The following PHF8 variants were observed in gnomAD, a reference collection of about 807,000 sequenced individuals.
PHF8 encodes histone lysine demethylase PHF8.
A neutral mutation model predicts 74.4 loss-of-function variants in PHF8; 9 were observed. That is an observed-to-expected ratio of 0.12 (90% CI 0.07 to 0.21). The LOEUF (loss-of-function observed/expected upper bound fraction) is 0.21. Among genes scored for constraint, PHF8 ranks in the 10% least tolerant of loss-of-function variants. The pLI is 1.00. For missense variants in PHF8, 478 were observed against 816.6 expected, an observed-to-expected ratio of 0.59 and a Z score of 5.05; for synonymous variants, 311 against 316.6, an observed-to-expected ratio of 0.98 and a Z score of 0.19.
At chrX:54,032,487 C>T (rs1557112836) in intron 2 of PHF8, among the ~76,000 whole-genome samples, 1 of 110,537 alleles carries the variant, frequency 9.0e-6, no homozygotes, top group African/African-American at 3.3e-5. Context: ...AAACACTCTT[C>T]CCCTACTTAC....
Position 54,044,241 on chromosome X carries a change from A to G in PHF8, c.-572T>C. 1 of 754,947 alleles carries G rather than the reference A, an allele frequency of 1.3e-6. No individual in the cohort carries two copies. Among genetic ancestry groups the G allele is most frequent in the East Asian group, 1.5e-4 (1 of 6,682 alleles). 62.2% of individuals were successfully genotyped at this position (754,947 alleles called of 1,213,427 possible). On this transcript the variant is annotated 5_prime_UTR_variant, in exon 1 of 22. Coordinates refer to ENST00000338154, the MANE Select transcript of PHF8 (RefSeq NM_015107.3). ...GATACTCGCGAGCAAACCAACGGGG[A>G]AAGAGATGAACCGGCCGCCACGTCC...
intron 6 of PHF8, among the ~76,000 whole-genome samples, chrX:54,014,919 AAC>A (rs2066038082): frequency 1.8e-5 from 2 of 112,044 alleles, no homozygotes; most frequent in Non-Finnish European, 3.8e-5. Flanking sequence ...CTTTATGAGA[AAC>A]CACTAGAGCA....
intron 11 of PHF8, among the ~76,000 whole-genome samples, chrX:53,997,682 T>C (rs1340888773): frequency 2.7e-5 from 3 of 111,862 alleles, no homozygotes; most frequent in African/African-American, 9.8e-5. Flanking sequence ...GGCCATCCCT[T>C]GGTCCCTGGG....
At chrX:53,945,899 T>C (rs1371304142) in intron 19 of PHF8, among the ~76,000 whole-genome samples, 3 of 112,401 alleles carry the variant, frequency 2.7e-5, no homozygotes, top group Admixed American at 9.5e-5. Context: ...CATACCACCT[T>C]GTCTCATTCT....
chrX:53,991,388 A>G (rs1212954742), intron 14 of PHF8, among the ~76,000 whole-genome samples: 1 of 111,622 alleles, frequency 9.0e-6, no homozygotes, highest in Non-Finnish European at 1.9e-5. Context: ...AAGGCCGGGC[A>G]TGTTGGCTCA....
chrX:53,999,287 C>T (rs782307609), intron 11 of PHF8, among the ~76,000 whole-genome samples: 9 of 112,295 alleles, frequency 8.0e-5, no homozygotes, highest in Non-Finnish European at 1.7e-4. Context: ...GATTCATTTC[C>T]ACTTTATGAA....
intron 18 of PHF8, among the ~76,000 whole-genome samples, chrX:53,969,305 A>G (rs1365244275): frequency 1.8e-5 from 2 of 111,454 alleles, no homozygotes; most frequent in Non-Finnish European, 3.8e-5. Flanking sequence ...AAAAATCAGT[A>G]GCATTTACAT....
chrX:53,943,081 G>A lies in PHF8; in HGVS notation c.2649+1053C>T, dbSNP rs1248471042. The A allele has an allele frequency of 1.6e-5, 13 of 813,641 alleles. No individual in the cohort carries two copies. The African/African-American group carries it at 2.8e-4, about 18-fold the overall frequency. 67.1% of individuals were successfully genotyped at this position (813,641 alleles called of 1,213,427 possible). ...AGGTTATCTCTGATCATCCCAAACA[G>A]AATTTAGCTCCTTAAAAGGCACTAA... On this transcript the variant is annotated intron_variant, in intron 20 of 21. Transcript: ENST00000338154.
chrX:53,965,013 T>C (rs782765328), intron 18 of PHF8, among the ~76,000 whole-genome samples: 4 of 111,703 alleles, frequency 3.6e-5, no homozygotes, highest in Non-Finnish European at 7.5e-5. Flanking sequence ...AATGTGAATA[T>C]ACTTAATAGT....
chrX:53,974,441 C>T (rs1358008127), intron 18 of PHF8, among the ~76,000 whole-genome samples: 2 of 111,866 alleles, frequency 1.8e-5, no homozygotes, highest in South Asian at 3.8e-4. Context: ...GAAAAAGGAA[C>T]GCTTTTACAC....
chrX:54,004,502 AAAGAAATCATCAT>A (rs1167722280), intron 8 of PHF8, among the ~76,000 whole-genome samples: 2 of 112,432 alleles, frequency 1.8e-5, no homozygotes, highest in South Asian at 3.6e-4. Context: ...CAAGAATTTG[AAAGAAATCATCAT>A]AAGAAATCAT....
intron 18 of PHF8, among the ~76,000 whole-genome samples, chrX:53,963,422 A>C (rs1193811921): frequency 2.7e-5 from 3 of 111,911 alleles, no homozygotes; most frequent in Admixed American, 9.6e-5. Flanking sequence ...TTTCAAATTA[A>C]GGGAGCCTAC....
chrX:53,943,385 G>C (rs782566701), intron 20 of PHF8: 170 of 957,881 alleles, frequency 1.8e-4, no homozygotes, highest in Non-Finnish European at 2.4e-4. Context: ...CAGTTAATGA[G>C]AGCTTCATTT....
chrX:53,959,719 C>T (rs1440021246), intron 19 of PHF8, among the ~76,000 whole-genome samples: 5 of 108,199 alleles, frequency 4.6e-5, no homozygotes, highest in Admixed American at 1.0e-4. Flanking sequence ...AAAAAATTAG[C>T]TGGGTGCAGT....
At position 53,936,872 on chromosome X, in the gene PHF8, T is replaced by C. The variant is rs2064677376; in HGVS notation, c.*2286A>G. On this transcript the variant is annotated 3_prime_UTR_variant, in exon 22 of 22. Transcript: ENST00000338154. ...AATCCTACCCACTTCTAAAAATATA[T>C]TTAGACATGTACAGAAGCGGTGGGC... is the stretch of plus-strand genomic sequence containing the variant. 1 of 111,496 alleles carries C rather than the reference T, an allele frequency of 9.0e-6. No homozygotes were observed. Among genetic ancestry groups the C allele is most frequent in the African/African-American group, 3.3e-5 (1 of 30,551 alleles). 9.2% of individuals were successfully genotyped at this position (111,496 alleles called of 1,213,427 possible).
chrX:53,985,350 A>C (rs782797966), intron 17 of PHF8, 123 bp from the exon 18 acceptor site: 1 of 583,688 alleles, frequency 1.7e-6, no homozygotes, highest in African/African-American at 2.3e-5. Context: ...GAAAAAGGGG[A>C]GAATCATCCA....
intron 14 of PHF8, among the ~76,000 whole-genome samples, chrX:53,990,779 G>C (rs2065646741): frequency 9.0e-6 from 1 of 111,389 alleles, no homozygotes; most frequent in Non-Finnish European, 1.9e-5. Context: ...CTTGGCTCTT[G>C]ACTGCTGATG....
At chrX:54,022,568 G>C (rs1231400082) in intron 3 of PHF8, among the ~76,000 whole-genome samples, 190 bp downstream of exon 3, 1 of 111,766 alleles carries the variant, frequency 8.9e-6, no homozygotes, top group Non-Finnish European at 1.9e-5. Flanking sequence ...GGAAGGGAGG[G>C]AGGTGAAGTT....
chrX:53,938,704 G>C lies in PHF8; in HGVS notation c.*454C>G. The C allele has an allele frequency of 1.3e-6, 1 of 760,420 alleles. No homozygotes were observed. The highest frequency in any genetic ancestry group is 2.3e-5 in the African/African-American group (1 of 43,980). The allele number at this position is 760,420 out of a possible 1,213,427, so 62.7% of individuals were successfully genotyped here. A position where few individuals can be genotyped will look rare whatever the true frequency, so the allele number is the denominator to read the frequency against. ...CATGTCCACTGGACTGGGGAAATGG[G>C]GCAAACAGAATGGGTGGAGGTGGGC... On this transcript the variant is annotated 3_prime_UTR_variant, in exon 22 of 22. Coordinates refer to ENST00000338154, the MANE Select transcript of PHF8 (RefSeq NM_015107.3).
Sources: allele counts gnomAD v4.1 joint callset (sites outside exome capture counted in the v4.1 genomes callset), GRCh38; gene constraint gnomAD v4.1.1; transcripts MANE v1.5; gene names NCBI Gene and HGNC (gene_info 2026-07-23, HGNC 2026-07-21).